Variants in PLXNA4 observed in about 807,000 individuals in gnomAD.
PLXNA4 encodes the protein plexin A4.
Under a neutral mutation model 191.8 loss-of-function variants are expected in PLXNA4, and 44 were observed. The ratio of observed to expected loss-of-function variants is 0.23; its 90% confidence interval spans 0.18 to 0.29. The LOEUF (loss-of-function observed/expected upper bound fraction) is 0.29, where lower values mean the gene tolerates loss of function less well. PLXNA4 is among the 10% of genes least tolerant of loss of function. PLXNA4 has a pLI of 1.00. For synonymous variants in PLXNA4, 1,082 were observed against 1,009.5 expected (o/e 1.07, Z -1.36); for missense variants, 1,800 against 2,488.8 (o/e 0.72, Z 5.89).
intron 2 of PLXNA4, among the ~76,000 whole-genome samples, chr7:132,605,243 C>T (rs889858521): frequency 1.2e-4 from 19 of 152,166 alleles, no homozygotes; most frequent in African/African-American, 4.6e-4. Flanking sequence ...ATCCATGCGG[C>T]GGTGTGCCAA....
chr7:132,291,335 C>T (rs890491436), intron 4 of PLXNA4, among the ~76,000 whole-genome samples: 2 of 152,230 alleles, frequency 1.3e-5, no homozygotes, highest in African/African-American at 4.8e-5. Context: ...CTGGCCATCA[C>T]CTTATTTCTC....
At chr7:132,324,337 G>T (rs1563035542) in intron 3 of PLXNA4, among the ~76,000 whole-genome samples, 1 of 152,190 alleles carries the variant, frequency 6.6e-6, no homozygotes, top group Non-Finnish European at 1.5e-5. Flanking sequence ...TTTACTTATT[G>T]TGACAGAGTT....
At chr7:132,558,129 G>A (rs980403320) in intron 1 of PLXNA4, among the ~76,000 whole-genome samples, 3 of 152,246 alleles carry the variant, frequency 2.0e-5, no homozygotes, top group South Asian at 4.1e-4. Flanking sequence ...AAGTCTCTAC[G>A]TGTACTACTG....
At chr7:132,189,032 GAGA>G (rs1562909166) in intron 14 of PLXNA4, among the ~76,000 whole-genome samples, 3 of 36,326 alleles carry the variant, frequency 8.3e-5, no homozygotes, top group African/African-American at 1.3e-4. Context: ...GAGAGAGAAA[GAGA>G]GAGAGAGAGA....
chr7:132,610,356 G>C (rs981923586), intron 2 of PLXNA4, among the ~76,000 whole-genome samples: 1 of 152,172 alleles, frequency 6.6e-6, no homozygotes, highest in African/African-American at 2.4e-5. Flanking sequence ...GAGCTATGCT[G>C]TGTGCAAAGG....
At chr7:132,467,642 C>A (rs1796759971) in intron 3 of PLXNA4, among the ~76,000 whole-genome samples, 1 of 152,220 alleles carries the variant, frequency 6.6e-6, no homozygotes. Context: ...GGCAAAGTAA[C>A]TGCCAAAGAT....
At position 132,298,098 on chromosome 7, in the gene PLXNA4, T is replaced by G. The variant is rs776008117; in HGVS notation, c.1496A>C (p.Glu499Ala). The G allele has an allele frequency of 1.9e-6, 3 of 1,614,216 alleles. No individual in the cohort carries two copies. The highest frequency in any genetic ancestry group is 1.1e-5 in the South Asian group (1 of 91,086). ...KDHEQLYIMS[E>A]RQLTRVPVES... Reference sequence around the variant, plus strand: ...GAGCCCGAAGAGCCTTACCTGCCTCTCTGACATGATGTAGAGTTGCTCGTG... The same window carrying G: ...GAGCCCGAAGAGCCTTACCTGCCTCGCTGACATGATGTAGAGTTGCTCGTG... Residue 499 changes from glutamate (E) to alanine (A), a missense_variant, in exon 4 of 32, where the codon GAG becomes GCG. Physicochemically the swap from Glu to Ala is moderately radical, Grantham distance 107 (BLOSUM62 -1). Transcript: ENST00000321063.
At chr7:132,254,765 T>C (rs1799375285) in intron 4 of PLXNA4, among the ~76,000 whole-genome samples, 1 of 151,718 alleles carries the variant, frequency 6.6e-6, no homozygotes, top group Admixed American at 6.6e-5. Context: ...AAGGGGTGAG[T>C]GGTGGTGGTG....
In PLXNA4 at chr7:132,482,081, G is replaced by T. The variant is rs557970765; in HGVS notation, c.1371+7211C>A. ...AGTATGGGTTCAAGTCCCCTCAATGGCTGAGAAACAAAGCCCTCATGTAGA... is the reference window on the plus strand; with the variant it reads ...AGTATGGGTTCAAGTCCCCTCAATGTCTGAGAAACAAAGCCCTCATGTAGA... On this transcript the variant is annotated intron_variant, in intron 3 of 31. Coordinates refer to ENST00000321063, the MANE Select transcript of PLXNA4 (RefSeq NM_020911.2). Among the ~76,000 whole-genome samples, 241 of 152,252 alleles carry T rather than the reference G, an allele frequency of 1.6e-3. 6 individuals are homozygous for T. The South Asian group carries it at 0.045, about 28-fold the overall frequency.
chr7:132,431,762 C>A (rs1003030484), intron 3 of PLXNA4, among the ~76,000 whole-genome samples: 2 of 152,178 alleles, frequency 1.3e-5, no homozygotes, highest in African/African-American at 2.4e-5. Flanking sequence ...TTGGCCTCAG[C>A]GCTCCCTGGC....
intron 11 of PLXNA4, 86 bp from the exon 12 acceptor site, chr7:132,202,922 G>T: frequency 7.4e-7 from 1 of 1,348,792 alleles, no homozygotes; most frequent in South Asian, 1.6e-5. Flanking sequence ...AGAGTGCAGT[G>T]CCAGCCTGGG....
chr7:132,295,766 C>G (rs1314899165), intron 4 of PLXNA4, among the ~76,000 whole-genome samples: 1 of 152,118 alleles, frequency 6.6e-6, no homozygotes, highest in Non-Finnish European at 1.5e-5. Flanking sequence ...CTAAGCACGG[C>G]CAGTGTCTGG....
chr7:132,545,032 C>A (rs1289238493), intron 1 of PLXNA4, among the ~76,000 whole-genome samples: 1 of 152,152 alleles, frequency 6.6e-6, no homozygotes, highest in Non-Finnish European at 1.5e-5. Context: ...TTGTCTACAC[C>A]AAATCAATAA....
chr7:132,240,972 G>C, intron 5 of PLXNA4, 94 bp downstream of exon 5: 1 of 799,520 alleles, frequency 1.3e-6, no homozygotes, highest in African/African-American at 1.7e-5. Context: ...AGAAAAGACA[G>C]ATCAAAGGGA....
intron 3 of PLXNA4, among the ~76,000 whole-genome samples, chr7:132,440,198 TC>T (rs997754471): frequency 6.6e-6 from 1 of 152,164 alleles, no homozygotes; most frequent in Non-Finnish European, 1.5e-5. Flanking sequence ...TGGTTTACCC[TC>T]CCCCTGCCTT....
At chr7:132,366,422 G>A (rs1464690190) in intron 3 of PLXNA4, among the ~76,000 whole-genome samples, 2 of 152,128 alleles carry the variant, frequency 1.3e-5, no homozygotes, top group African/African-American at 2.4e-5. Context: ...TACTCAGGAG[G>A]CTGAGGCAGG....
chr7:132,140,743 C>T lies in PLXNA4; in HGVS notation c.5294G>A (p.Ser1765Asn), dbSNP rs1326870251. The T allele has an allele frequency of 3.1e-6, 5 of 1,613,920 alleles. No individual in the cohort carries two copies. In the African/African-American group the frequency reaches 5.3e-5, roughly 17 times the overall value. Residue 1765 changes from serine to asparagine, a missense_variant, in exon 30 of 32, where the codon AGC becomes AAC. Ser to Asn is a conservative substitution (Grantham distance 46). Coordinates refer to ENST00000321063, the MANE Select transcript of PLXNA4 (RefSeq NM_020911.2). ...PQFVFDIHKN[S>N]ITDACLSVVA... ...CACAGAGAGGCAGGCGTCTGTGATG[C>T]TGTTCTTATGGATGTCAAACACAAA...
At chr7:132,222,845 A>G (rs1798191954) in intron 9 of PLXNA4, among the ~76,000 whole-genome samples, 1 of 152,250 alleles carries the variant, frequency 6.6e-6, no homozygotes, top group African/African-American at 2.4e-5. Context: ...GTCACATTTT[A>G]GCCTTAGAGC....
At chr7:132,562,106 C>G (rs1418466011) in intron 1 of PLXNA4, among the ~76,000 whole-genome samples, 1 of 122,786 alleles carries the variant, frequency 8.1e-6, no homozygotes, top group Non-Finnish European at 1.7e-5. Context: ...TTCTCCTCCT[C>G]CTCCTTCTCT....
Sources: allele counts gnomAD v4.1 joint callset (sites outside exome capture counted in the v4.1 genomes callset), GRCh38; gene constraint gnomAD v4.1.1; transcripts MANE v1.5; gene names NCBI Gene and HGNC (gene_info 2026-07-23, HGNC 2026-07-21).